The following SLC29A1 variants were observed in gnomAD, a reference collection of about 807,000 sequenced individuals.
The protein encoded by SLC29A1 is equilibrative nucleoside transporter 1.
Under a neutral mutation model 48.3 loss-of-function variants are expected in SLC29A1, and 22 were observed. The observed-to-expected ratio is 0.46, with a 90% CI of 0.33 to 0.65. SLC29A1 has a LOEUF of 0.65. Ranked by LOEUF, SLC29A1 falls within the 30% of genes least tolerant of loss-of-function variation. The probability of loss-of-function intolerance (pLI) is 0.03; values close to 1 mark genes in which losing one functional copy is unlikely to be tolerated. For missense variants in SLC29A1, 491 were observed against 575.3 expected (o/e 0.85, Z 1.50); for synonymous variants, 228 against 231.0 (o/e 0.99, Z 0.12).
chr6:44,229,858 G>A lies in SLC29A1; in HGVS notation c.315-49G>A, dbSNP rs1347770010. 1 of 1,611,262 alleles carries A rather than the reference G, an allele frequency of 6.2e-7. No individual in the cohort carries two copies. Among genetic ancestry groups the A allele is most frequent in the South Asian group, 1.1e-5 (1 of 91,068 alleles). The stretch of plus-strand genomic sequence containing the variant: ...CTGTGTCCTGCACCCCCTTGGCTGA[G>A]CCCCAGCTTTGCCCACTTGTCTCTG... On this transcript the variant is annotated intron_variant, in intron 4 of 12. Coordinates refer to ENST00000371755, the MANE Select transcript of SLC29A1 (RefSeq NM_001372327.1). This position sits in a 1 kb window ranked among gnomAD's most constrained non-coding sequence, Gnocchi z 5.1.
At chr6:44,220,315 C>T (rs1007390134), upstream of SLC29A1, among the ~76,000 whole-genome samples, 14 of 151,554 alleles carry the variant, frequency 9.2e-5, no homozygotes, top group Admixed American at 6.6e-4. Context: ...AATGCCAGGA[C>T]CACAGGCATG....
rs35204127 is a variant in SLC29A1 at position 44,225,507 on chromosome 6, CAAAAAA to C, written c.-51-1744_-51-1739del. 5.8e-5 allele frequency among the ~76,000 whole-genome samples: 6 copies of C among 102,844 alleles called. No individual in the cohort carries two copies. The Admixed American group carries it at 6.5e-4, about 11-fold the overall frequency. 67.5% of individuals were successfully genotyped at this position (102,844 alleles called of 152,430 possible). ...GGCAACAGGAGCAAAAACTCCGTCT[CAAAAAA>C]AAAAAAAAAAAGAAAAAATCTGAGA... On this transcript the variant is annotated intron_variant, in intron 1 of 12. Transcript: ENST00000371755.
chr6:44,228,368 C>T (rs1431797184), intron 2 of SLC29A1, among the ~76,000 whole-genome samples: 1 of 152,224 alleles, frequency 6.6e-6, no homozygotes, highest in Non-Finnish European at 1.5e-5. Flanking sequence ...TCTGGGCCTC[C>T]GAACCAAGCC....
At position 44,229,991 on chromosome 6, in the gene SLC29A1, G is replaced by A; in HGVS notation, c.399G>A (p.Gln133=). ...FLITAILVKV[Q]LDALPFFVIT... is the part of the protein sequence containing the mutation. Reference sequence around the variant, plus strand: ...TCACTGCCATCCTGGTGAAGGTGCAGCTGGATGCTCTGCCCTTCTTTGTCA... The same window carrying A: ...TCACTGCCATCCTGGTGAAGGTGCAACTGGATGCTCTGCCCTTCTTTGTCA... The change falls in exon 5 of 13, where the codon CAG becomes CAA. Residue 133 remains glutamine (Q), a synonymous_variant. Coordinates refer to ENST00000371755, the MANE Select transcript of SLC29A1 (RefSeq NM_001372327.1). The surrounding 1 kb of genome is among the most constrained non-coding windows in gnomAD (Gnocchi z 5.1). 2 of 1,612,340 alleles carry A rather than the reference G, an allele frequency of 1.2e-6. No individual in the cohort carries two copies. Among genetic ancestry groups the A allele is most frequent in the Non-Finnish European group, 1.7e-6 (2 of 1,180,030 alleles).
At chr6:44,223,482 G>A, upstream of SLC29A1, 3 of 980,036 alleles carry the variant, frequency 3.1e-6, no homozygotes, top group Non-Finnish European at 3.7e-6. The surrounding 1 kb of genome is among the most constrained non-coding windows in gnomAD (Gnocchi z 5.0). Flanking sequence ...CGGGGTGGCA[G>A]GGGTGGGCCG....
At chr6:44,220,579 C>T (rs1776242567), upstream of SLC29A1, among the ~76,000 whole-genome samples, 1 of 151,252 alleles carries the variant, frequency 6.6e-6, no homozygotes, top group Non-Finnish European at 1.5e-5. Context: ...CTTTGGGAGG[C>T]CAAGGCGGGC....
In SLC29A1 at chr6:44,232,990, A is replaced by G. The variant is rs1455784915; in HGVS notation, c.1243A>G (p.Met415Val). 1 of 1,613,070 alleles carries G rather than the reference A, an allele frequency of 6.2e-7. No homozygotes were observed. Among genetic ancestry groups the G allele is most frequent in the Admixed American group, 1.7e-5 (1 of 60,010 alleles). The change falls in exon 12 of 13, where the codon ATG becomes GTG. Residue 415 changes from methionine (M) to valine (V), a missense_variant. Met to Val is a conservative substitution (Grantham distance 21, BLOSUM62 1). Transcript: ENST00000371755. This position sits in a 1 kb window ranked among gnomAD's most constrained non-coding sequence, Gnocchi z 4.7. ...CAACGGCTACCTCGCCAGCCTCTGC[A>G]TGTGCTTCGGGCCCAAGTGAGTAGG... ...FSNGYLASLC[M>V]CFGPKKVKPA...
In SLC29A1 at chr6:44,233,918, G is replaced by T; in HGVS notation, c.*390G>T. On this transcript the variant is annotated 3_prime_UTR_variant, in exon 13 of 13. Coordinates refer to ENST00000371755, the MANE Select transcript of SLC29A1 (RefSeq NM_001372327.1). The stretch of plus-strand genomic sequence containing the variant: ...TCTGCCTGTCCTGGGGTGGCTAGGA[G>T]CTGGGTCTGACCGTTGTATGGTTTG... 4.3e-6 allele frequency: 1 copy of T among 233,124 alleles called. No individual in the cohort carries two copies. The allele number at this position is 233,124 out of a possible 1,614,324, so 14.4% of individuals were successfully genotyped here.
chr6:44,222,218 C>A (rs1776515028), upstream of SLC29A1, among the ~76,000 whole-genome samples: 1 of 150,200 alleles, frequency 6.7e-6, no homozygotes, highest in African/African-American at 2.4e-5. Flanking sequence ...CCACCTAAAC[C>A]CATCTTCCTG....
chr6:44,232,140 G>T lies in SLC29A1; in HGVS notation c.973+34G>T. On this transcript the variant is annotated intron_variant, in intron 10 of 12. Coordinates refer to ENST00000371755, the MANE Select transcript of SLC29A1 (RefSeq NM_001372327.1). This position sits in a 1 kb window ranked among gnomAD's most constrained non-coding sequence, Gnocchi z 4.7. ...GCCACAGGTTTCCAGGATGGGAACA[G>T]ACAGGATCTTGAGTTGGGCTGGAAG... 1 of 1,520,984 alleles carries T rather than the reference G, an allele frequency of 6.6e-7. No homozygotes were observed. Among genetic ancestry groups the T allele is most frequent in the South Asian group, 1.1e-5 (1 of 89,032 alleles). The allele number at this position is 1,520,984 out of a possible 1,614,324, so 94.2% of individuals were successfully genotyped here.
rs375118807 is a variant in SLC29A1 at position 44,229,524 on chromosome 6, A to T, written c.111+53A>T. 92 of 1,610,016 alleles carry T rather than the reference A, an allele frequency of 5.7e-5. No individual in the cohort carries two copies. Among genetic ancestry groups the T allele is most frequent in the South Asian group, 2.3e-4 (21 of 91,008 alleles). The stretch of plus-strand genomic sequence containing the variant: ...GGGCAGTGCCCACTGTGCTTGCAGG[A>T]TCTGACTCTGTGCTGGTAGGCACAG... On this transcript the variant is annotated intron_variant, in intron 3 of 12. Coordinates refer to ENST00000371755, the MANE Select transcript of SLC29A1 (RefSeq NM_001372327.1). The surrounding 1 kb of genome is among the most constrained non-coding windows in gnomAD (Gnocchi z 5.1).
At chr6:44,220,703 T>C (rs1461536763), upstream of SLC29A1, among the ~76,000 whole-genome samples, 1 of 149,932 alleles carries the variant, frequency 6.7e-6, no homozygotes, top group Non-Finnish European at 1.5e-5. Flanking sequence ...CACGTGCCCG[T>C]AATCCCAGCT....
chr6:44,231,548 CT>C, intron 9 of SLC29A1, 87 bp downstream of exon 9: 2 of 842,230 alleles, frequency 2.4e-6, no homozygotes, highest in Non-Finnish European at 4.0e-6. Flanking sequence ...CATCTCCTCC[CT>C]TTCTGACCTG....
chr6:44,229,842 G>A lies in SLC29A1; in HGVS notation c.314+51G>A, dbSNP rs1778426658. 2 of 1,607,920 alleles carry A rather than the reference G, an allele frequency of 1.2e-6. No individual in the cohort carries two copies. Among genetic ancestry groups the A allele is most frequent in the East Asian group, 2.2e-5 (1 of 44,830 alleles). ...CCCAGCCTGACCCTCACTGTGTCCT[G>A]CACCCCCTTGGCTGAGCCCCAGCTT... On this transcript the variant is annotated intron_variant, in intron 4 of 12. Transcript: ENST00000371755. This position sits in a 1 kb window ranked among gnomAD's most constrained non-coding sequence, Gnocchi z 5.1.
At chr6:44,219,641 G>A, upstream of SLC29A1, 5 of 1,215,494 alleles carry the variant, frequency 4.1e-6, no homozygotes, top group African/African-American at 1.6e-5. Context: ...GGCCCACACC[G>A]GTCAGGCCCG....
intron 2 of SLC29A1, among the ~76,000 whole-genome samples, chr6:44,228,527 T>C (rs1363132369): frequency 6.6e-6 from 1 of 152,216 alleles, no homozygotes; most frequent in East Asian, 1.9e-4. Flanking sequence ...GCCAGGCCTG[T>C]CTTCTCACTG....
In SLC29A1 at chr6:44,223,725, G is replaced by A; in HGVS notation, c.-52+84G>A. On this transcript the variant is annotated intron_variant, in intron 1 of 12. Transcript: ENST00000371755. This position sits in a 1 kb window ranked among gnomAD's most constrained non-coding sequence, Gnocchi z 5.0. ...CCCGCCTGCCACGGAGGGCAGGGAGGGCGGGCCTGACGGCTCCGCAGCCCG... is the reference window on the plus strand; with the variant it reads ...CCCGCCTGCCACGGAGGGCAGGGAGAGCGGGCCTGACGGCTCCGCAGCCCG... The A allele has an allele frequency of 9.3e-7, 1 of 1,071,298 alleles. No individual in the cohort carries two copies. The highest frequency in any genetic ancestry group is 2.3e-5 in the South Asian group (1 of 43,942). 66.4% of individuals were successfully genotyped at this position (1,071,298 alleles called of 1,614,324 possible).
upstream of SLC29A1, among the ~76,000 whole-genome samples, chr6:44,222,266 G>A (rs574854633): frequency 5.3e-4 from 81 of 151,404 alleles, no homozygotes; most frequent in African/African-American, 1.8e-3. Context: ...GGGGGATGGG[G>A]GTGGGGTGGG....
chr6:44,220,649 C>CA (rs1776263358), upstream of SLC29A1, among the ~76,000 whole-genome samples: 2 of 102,470 alleles, frequency 2.0e-5, no homozygotes, highest in African/African-American at 3.5e-5. Context: ...CCCGTCTCTA[C>CA]TAAAAAAAAA....
Sources: allele counts gnomAD v4.1 joint callset (sites outside exome capture counted in the v4.1 genomes callset), GRCh38; gene constraint gnomAD v4.1.1; non-coding constraint Gnocchi (gnomAD v3.1); transcripts MANE v1.5; gene names NCBI Gene and HGNC (gene_info 2026-07-23, HGNC 2026-07-21).